Variants in E2F5 observed in about 807,000 individuals in gnomAD.
The protein encoded by E2F5 is transcription factor E2F5.
In E2F5, 23 loss-of-function variants were observed where a neutral mutation model predicts 39.1. The observed-to-expected ratio is 0.59, with a 90% CI of 0.42 to 0.83. The LOEUF (loss-of-function observed/expected upper bound fraction) is 0.83. E2F5 is among the 40% of genes least tolerant of loss of function. E2F5 has a pLI of 0.00. For missense variants in E2F5, 365 were observed against 406.7 expected (o/e 0.90, Z 0.88); for synonymous variants, 145 against 157.8 (o/e 0.92, Z 0.61).
intron 1 of E2F5, among the ~76,000 whole-genome samples, chr8:85,179,425 G>T (rs556233190): frequency 1.2e-4 from 18 of 152,116 alleles, no homozygotes; most frequent in South Asian, 2.1e-4. Context: ...CACAGAGGCA[G>T]TGAGTAGGAT....
intron 6 of E2F5, among the ~76,000 whole-genome samples, chr8:85,210,084 C>G (rs946287543): frequency 2.0e-5 from 3 of 152,046 alleles, no homozygotes; most frequent in Admixed American, 6.5e-5. Flanking sequence ...CTTACTGATT[C>G]CAAATAAAGG....
intron 1 of E2F5, among the ~76,000 whole-genome samples, chr8:85,190,250 A>G (rs4150888): frequency 9.4e-4 from 143 of 151,924 alleles, no homozygotes; most frequent in African/African-American, 3.0e-3. Flanking sequence ...GTGAAAACAC[A>G]CACACACACA....
rs771725628 is a variant in E2F5, at chr8:85,177,573, C to G, written c.153C>G (p.His51Gln). 10 of 1,282,258 alleles carry G rather than the reference C, an allele frequency of 7.8e-6. No individual in the cohort carries two copies. Among genetic ancestry groups the G allele is most frequent in the South Asian group, 3.4e-5 (1 of 29,430 alleles). 79.4% of individuals were successfully genotyped at this position (1,282,258 alleles called of 1,614,324 possible). A position where few individuals can be genotyped will look rare whatever the true frequency, so the allele number is the denominator to read the frequency against. Residue 51 changes from histidine to glutamine, a missense_variant, in exon 1 of 8, where the codon CAC (histidine) becomes CAG (glutamine). By Grantham distance (24) the His-to-Gln change is conservative. Coordinates refer to ENST00000416274, the MANE Select transcript of E2F5 (RefSeq NM_001951.4). ...LGGAGGGSSR[H>Q]EKSLGLLTTK... Reference sequence around the variant, plus strand: ...GCGCCGGGGGCGGCAGCAGCAGGCACGAGAAGAGCCTGGGGCTGCTCACTA... The same window carrying G: ...GCGCCGGGGGCGGCAGCAGCAGGCAGGAGAAGAGCCTGGGGCTGCTCACTA...
Position 85,177,372 on chromosome 8 carries a change from C to T in E2F5, c.-49C>T. 1 of 986,534 alleles carries T rather than the reference C, an allele frequency of 1.0e-6. No individual in the cohort carries two copies. The highest frequency in any genetic ancestry group is 1.2e-6 in the Non-Finnish European group (1 of 831,298). 61.1% of individuals were successfully genotyped at this position (986,534 alleles called of 1,614,324 possible). A position where few individuals can be genotyped will look rare whatever the true frequency, so the allele number is the denominator to read the frequency against. On this transcript the variant is annotated 5_prime_UTR_variant, in exon 1 of 8. Coordinates refer to ENST00000416274, the MANE Select transcript of E2F5 (RefSeq NM_001951.4). ...CCCGGCAGGTGGCCGCGGGCGGGGCCGGCGAGCGAAAGTGCGCGGGGGCCC... is the reference window on the plus strand; with the variant it reads ...CCCGGCAGGTGGCCGCGGGCGGGGCTGGCGAGCGAAAGTGCGCGGGGGCCC...
chr8:85,179,906 C>T (rs1040718301), intron 1 of E2F5, among the ~76,000 whole-genome samples: 6 of 152,180 alleles, frequency 3.9e-5, no homozygotes, highest in African/African-American at 9.6e-5. Flanking sequence ...GTGATCCACG[C>T]GCCTCGGCCT....
At position 85,212,169 on chromosome 8, in the gene E2F5, G is replaced by T. The variant is rs899335859; in HGVS notation, c.896G>T (p.Ser299Ile). 11 of 1,611,008 alleles carry T rather than the reference G, an allele frequency of 6.8e-6. No individual in the cohort carries two copies. The highest frequency in any genetic ancestry group is 8.5e-6 in the Non-Finnish European group (10 of 1,178,324). ...TTACTGTTTCCAGCAGGATCTATTA[G>T]TGGAGATATCATTGATGAGTTAATG... Reference protein sequence around the residue: ...ATDISSAGSISGDIIDELMSS... With the variant: ...ATDISSAGSIIGDIIDELMSS... Residue 299 changes from serine (S) to isoleucine (I), a missense_variant, in exon 7 of 8, where the codon AGT becomes ATT. By Grantham distance (142) the Ser-to-Ile change is moderately radical. Coordinates refer to ENST00000416274, the MANE Select transcript of E2F5 (RefSeq NM_001951.4).
intron 1 of E2F5, among the ~76,000 whole-genome samples, chr8:85,198,821 C>T (rs1480805792): frequency 6.6e-6 from 1 of 152,166 alleles, no homozygotes. Flanking sequence ...ATTTATATCT[C>T]TAGCTTGGAT....
chr8:85,208,385 A>G (rs959324970), intron 5 of E2F5, among the ~76,000 whole-genome samples: 2 of 152,234 alleles, frequency 1.3e-5, no homozygotes, highest in African/African-American at 4.8e-5. Flanking sequence ...CACTGAGGAA[A>G]AAGTTCAATG....
chr8:85,182,489 G>T (rs1326588278), intron 1 of E2F5, among the ~76,000 whole-genome samples: 1 of 152,170 alleles, frequency 6.6e-6, no homozygotes, highest in Non-Finnish European at 1.5e-5. Flanking sequence ...AATGTATGTA[G>T]GTAGGTTTCC....
intron 1 of E2F5, among the ~76,000 whole-genome samples, chr8:85,201,476 A>G (rs1812697587): frequency 6.6e-6 from 1 of 152,258 alleles, no homozygotes; most frequent in Non-Finnish European, 1.5e-5. Context: ...TTGAATTCAT[A>G]ACATGATAGC....
intron 2 of E2F5, 59 bp from the exon 3 acceptor site, chr8:85,203,035 A>T (rs1306711300): frequency 1.6e-6 from 2 of 1,219,738 alleles, no homozygotes; most frequent in African/African-American, 3.1e-5. Flanking sequence ...TACAGTAAAA[A>T]TTAAGTGATA....
At chr8:85,199,106 A>G (rs906546677) in intron 1 of E2F5, among the ~76,000 whole-genome samples, 4 of 152,082 alleles carry the variant, frequency 2.6e-5, no homozygotes, top group Non-Finnish European at 4.4e-5. Flanking sequence ...CATCTCCTGC[A>G]TGGATTATTG....
intron 1 of E2F5, among the ~76,000 whole-genome samples, chr8:85,190,497 CTTT>C (rs34804570): frequency 1.4e-5 from 1 of 70,304 alleles, no homozygotes; most frequent in East Asian, 4.4e-4. Context: ...GAGATTTTTC[CTTT>C]TTTTTTTTTT....
At chr8:85,211,404 A>T (rs1459618772) in intron 6 of E2F5, among the ~76,000 whole-genome samples, 1 of 151,622 alleles carries the variant, frequency 6.6e-6, no homozygotes. Flanking sequence ...TCCTGTCTCA[A>T]AATAAATAAA....
intron 1 of E2F5, among the ~76,000 whole-genome samples, chr8:85,180,763 T>A (rs1042372623): frequency 1.5e-4 from 23 of 151,154 alleles, no homozygotes; most frequent in African/African-American, 5.3e-4. Flanking sequence ...GTATTTTTAG[T>A]AGAGACGGGG....
intron 1 of E2F5, among the ~76,000 whole-genome samples, chr8:85,200,839 T>G (rs902302377): frequency 5.9e-5 from 9 of 152,212 alleles, no homozygotes; most frequent in African/African-American, 2.2e-4. Flanking sequence ...TGGCTAGTCC[T>G]GCTGTTAATT....
intron 1 of E2F5, among the ~76,000 whole-genome samples, chr8:85,199,668 A>G (rs889322253): frequency 2.0e-5 from 3 of 152,218 alleles, no homozygotes; most frequent in Non-Finnish European, 4.4e-5. Flanking sequence ...GTAAATCTGT[A>G]TACACACAAA....
chr8:85,210,224 G>A (rs1207720655), intron 6 of E2F5, among the ~76,000 whole-genome samples: 1 of 152,130 alleles, frequency 6.6e-6, no homozygotes, highest in East Asian at 1.9e-4. Flanking sequence ...TTACCTCTAG[G>A]ATGTGTCTCA....
intron 1 of E2F5, among the ~76,000 whole-genome samples, chr8:85,196,265 C>T (rs138792095): frequency 1.1e-3 from 172 of 152,272 alleles, no homozygotes; most frequent in African/African-American, 3.9e-3. Context: ...ATAGTGGCCA[C>T]CTCCAGGAAC....
Sources: gnomAD v4.1 joint callset for allele counts (sites outside exome capture counted in the v4.1 genomes callset) on GRCh38, gnomAD v4.1.1 for gene constraint, MANE v1.5 for transcripts, NCBI Gene and HGNC (gene_info 2026-07-23, HGNC 2026-07-21) for gene names.